The following RBM27 variants were observed in gnomAD, a reference collection of about 807,000 sequenced individuals.
RBM27 encodes RNA binding motif protein 27, also known as RNA-binding protein 27.
RBM27 carries 22 observed loss-of-function variants against 135.3 expected under a neutral mutation model. The ratio of observed to expected loss-of-function variants is 0.16; its 90% CI spans 0.12 to 0.23. The LOEUF (loss-of-function observed/expected upper bound fraction) is 0.23. Ranked by LOEUF, RBM27 falls within the 10% of genes least tolerant of loss-of-function variation. RBM27 has a pLI of 1.00. For missense variants in RBM27, 1,009 were observed against 1,281.0 expected (o/e 0.79, Z 3.24); for synonymous variants, 481 against 442.4 (o/e 1.09, Z -1.10).
intron 15 of RBM27, 87 bp from the exon 16 acceptor site, chr5:146,269,120 G>C: frequency 1.2e-6 from 1 of 825,070 alleles, no homozygotes; most frequent in Non-Finnish European, 1.9e-6. Context: ...TAGGAGGACA[G>C]TCTGTCTCAG....
At chr5:146,228,828 G>A (rs1238442012) in intron 3 of RBM27, 118 bp from the exon 4 acceptor site, 1 of 648,528 alleles carries the variant, frequency 1.5e-6, no homozygotes, top group African/African-American at 1.9e-5. Context: ...TCCCAGGCTG[G>A]TCTCAATATC....
chr5:146,279,937 A>T lies in RBM27; in HGVS notation c.2989-4685A>T, dbSNP rs148285318. 8.5e-3 allele frequency among the ~76,000 whole-genome samples: 1,297 copies of T among 152,298 alleles called. 7 individuals are homozygous for T. Among genetic ancestry groups the T allele is most frequent in the Non-Finnish European group, 0.013 (878 of 68,032 alleles). ...AAAAATACTATGTATGTAAGAAAAC[A>T]TATATAAAGCTTCTCACTTTAAAAA... On this transcript the variant is annotated intron_variant, in intron 19 of 20. Coordinates refer to ENST00000265271, the MANE Select transcript of RBM27 (RefSeq NM_018989.2).
At chr5:146,225,297 C>T (rs762784304) in intron 3 of RBM27, among the ~76,000 whole-genome samples, 14 of 152,004 alleles carry the variant, frequency 9.2e-5, no homozygotes, top group Non-Finnish European at 1.6e-4. Flanking sequence ...TTCTTTTCCT[C>T]TCCATTTTCA....
intron 8 of RBM27, chr5:146,245,104 C>T (rs1012725162): frequency 6.6e-6 from 1 of 152,212 alleles, no homozygotes; most frequent in African/African-American, 2.4e-5. Flanking sequence ...TGGCCTGGAG[C>T]AATCCTCTCA....
At chr5:146,272,329 C>T (rs1758903450) in intron 19 of RBM27, among the ~76,000 whole-genome samples, 1 of 152,158 alleles carries the variant, frequency 6.6e-6, no homozygotes, top group Non-Finnish European at 1.5e-5. Flanking sequence ...AAATGTCAAC[C>T]ACAATCATAT....
rs2126841692 is a variant in RBM27 at position 146,258,558 on chromosome 5, G to A, written c.1704G>A (p.Leu568=). 6.3e-7 allele frequency: 1 copy of A among 1,581,608 alleles called. No homozygotes were observed. Among genetic ancestry groups the A allele is most frequent in the East Asian group, 2.3e-5 (1 of 43,034 alleles). ...GTCGAAAAAGAGCTATGAGTGGTTT[G>A]GAAGGGCCACTCACAAAGAAACCTT... ...PDSRKRAMSG[L]EGPLTKKPWL... Residue 568 remains leucine (L), a synonymous_variant, in exon 11 of 21, where the codon TTG becomes TTA. Coordinates refer to ENST00000265271, the MANE Select transcript of RBM27 (RefSeq NM_018989.2).
chr5:146,279,088 T>C (rs992215921), intron 19 of RBM27, among the ~76,000 whole-genome samples: 3 of 152,170 alleles, frequency 2.0e-5, no homozygotes, highest in African/African-American at 7.2e-5. Flanking sequence ...TATATGTATG[T>C]GTAGAACAAT....
chr5:146,267,107 G>C (rs1017209026), intron 14 of RBM27, among the ~76,000 whole-genome samples: 2 of 152,292 alleles, frequency 1.3e-5, no homozygotes, highest in South Asian at 4.1e-4. Context: ...ATTATTCAGT[G>C]AGAGGTATAC....
intron 3 of RBM27, among the ~76,000 whole-genome samples, chr5:146,226,829 C>A (rs1285886253): frequency 6.6e-6 from 1 of 151,758 alleles, no homozygotes; most frequent in Non-Finnish European, 1.5e-5. Context: ...AGCTTTCCGG[C>A]GTTTCTCATT....
rs1759682275 is a variant in RBM27, at chr5:146,288,735, CA to C, written c.*2706del. On this transcript the variant is annotated 3_prime_UTR_variant, in exon 21 of 21. Transcript: ENST00000265271. ...AGGTCAGCCTGATATACTAGTGGAT[CA>C]CTGTCCAAGATAAAAAGGTAACCCC... 1 of 151,918 alleles carries C rather than the reference CA, an allele frequency of 6.6e-6. No individual in the cohort carries two copies. The highest frequency in any genetic ancestry group is 2.1e-4 in the South Asian group (1 of 4,826). The allele number at this position is 151,918 out of a possible 1,614,324, so 9.4% of individuals were successfully genotyped here. A position where few individuals can be genotyped will look rare whatever the true frequency, so the allele number is the denominator to read the frequency against.
In RBM27 at chr5:146,286,310, T is replaced by C. The variant is rs1050684619; in HGVS notation, c.*280T>C. The stretch of plus-strand genomic sequence containing the variant: ...TTCCACACCACCTTTTTTTTGTTGC[T>C]GTTGGTGTTGGATTATGATGTAAAT... On this transcript the variant is annotated 3_prime_UTR_variant, in exon 21 of 21. Transcript: ENST00000265271. 2 of 230,092 alleles carry C rather than the reference T, an allele frequency of 8.7e-6. No individual in the cohort carries two copies. The highest frequency in any genetic ancestry group is 4.6e-5 in the African/African-American group (2 of 43,814). The allele number at this position is 230,092 out of a possible 1,614,324, so 14.3% of individuals were successfully genotyped here. A position where few individuals can be genotyped will look rare whatever the true frequency, so the allele number is the denominator to read the frequency against.
chr5:146,271,146 A>T, intron 18 of RBM27, 88 bp downstream of exon 18: 1 of 932,332 alleles, frequency 1.1e-6, no homozygotes, highest in Non-Finnish European at 1.7e-6. Context: ...CACGCCTGTA[A>T]TCTCAGCACT....
At chr5:146,249,896 T>A (rs1757808987) in intron 8 of RBM27, among the ~76,000 whole-genome samples, 1 of 152,132 alleles carries the variant, frequency 6.6e-6, no homozygotes, top group Non-Finnish European at 1.5e-5. Context: ...CAGATCAACC[T>A]ACCACCTAGG....
chr5:146,273,890 G>A (rs1294733797), intron 19 of RBM27, among the ~76,000 whole-genome samples: 7 of 152,206 alleles, frequency 4.6e-5, no homozygotes, highest in African/African-American at 1.7e-4. Context: ...GATTATGGTC[G>A]TATGCAAATG....
chr5:146,254,432 T>A (rs1331422756), intron 9 of RBM27, among the ~76,000 whole-genome samples: 5 of 83,328 alleles, frequency 6.0e-5, no homozygotes, highest in African/African-American at 1.4e-4. Context: ...AATAGGAGCA[T>A]TTTTTTTTTT....
At chr5:146,281,471 T>C (rs1010189316) in intron 19 of RBM27, among the ~76,000 whole-genome samples, 3 of 152,222 alleles carry the variant, frequency 2.0e-5, no homozygotes, top group African/African-American at 7.2e-5. Flanking sequence ...ATCTTTTGGC[T>C]TCCCTGGACC....
intron 8 of RBM27, among the ~76,000 whole-genome samples, chr5:146,241,177 G>T (rs1757394970): frequency 6.6e-6 from 1 of 151,704 alleles, no homozygotes; most frequent in African/African-American, 2.4e-5. Flanking sequence ...AAAAAATCTG[G>T]CAATTACCAT....
intron 4 of RBM27, 89 bp downstream of exon 4, chr5:146,229,126 C>A: frequency 1.2e-6 from 1 of 869,554 alleles, no homozygotes; most frequent in Non-Finnish European, 1.9e-6. Context: ...AATATATATA[C>A]TTACTCCTCT....
chr5:146,226,057 G>A (rs1367872662), intron 3 of RBM27, among the ~76,000 whole-genome samples: 2 of 147,628 alleles, frequency 1.4e-5, no homozygotes, highest in Admixed American at 6.9e-5. Context: ...CAGTAGAGAC[G>A]GGGTTTCACC....
Sources: gnomAD v4.1 joint callset for allele counts (sites outside exome capture counted in the v4.1 genomes callset) on GRCh38, gnomAD v4.1.1 for gene constraint, MANE v1.5 for transcripts, NCBI Gene and HGNC (gene_info 2026-07-23, HGNC 2026-07-21) for gene names.